ZC3H12B: variants seen among roughly 807,000 people sequenced by gnomAD.
The protein encoded by ZC3H12B is zinc finger CCCH-type containing 12B, also known as probable ribonuclease ZC3H12B.
A neutral mutation model predicts 43.9 loss-of-function variants in ZC3H12B; 7 were observed. That is an observed-to-expected ratio of 0.16 (90% CI 0.09 to 0.30). The LOEUF (loss-of-function observed/expected upper bound fraction) is 0.30, where lower values mean the gene tolerates loss of function less well. ZC3H12B is among the 10% of genes least tolerant of loss of function. ZC3H12B has a pLI of 1.00. For synonymous variants in ZC3H12B, 222 were observed against 241.7 expected, an observed-to-expected ratio of 0.92 and a Z score of 0.76; for missense variants, 475 against 670.2, an observed-to-expected ratio of 0.71 and a Z score of 3.22.
At chrX:65,148,025 G>A in the ZC3H12B span, among the ~76,000 whole-genome samples, 19 of 110,513 alleles carry the variant, frequency 1.7e-4, no homozygotes, top group Admixed American at 1.8e-3. Context: ...GGCTGGTCAA[G>A]CACTGGGGTC....
intron 3 of ZC3H12B, among the ~76,000 whole-genome samples, chrX:65,477,436 G>C (rs2068008750): frequency 9.0e-6 from 1 of 111,099 alleles, no homozygotes; most frequent in South Asian, 3.9e-4. Context: ...TAAAAAACAG[G>C]AAAAATATTT....
the ZC3H12B span, among the ~76,000 whole-genome samples, chrX:65,110,491 G>A: frequency 9.2e-6 from 1 of 109,218 alleles, no homozygotes; most frequent in Non-Finnish European, 1.9e-5. Flanking sequence ...ATCAGATAGA[G>A]GTTTATTACC....
At chrX:65,453,169 G>C (rs1247223757) in intron 3 of ZC3H12B, among the ~76,000 whole-genome samples, 2 of 106,519 alleles carry the variant, frequency 1.9e-5, no homozygotes. Context: ...TAGACCAATG[G>C]AACAGAATAG....
the ZC3H12B span, among the ~76,000 whole-genome samples, chrX:65,084,482 A>G: frequency 9.8e-5 from 11 of 112,607 alleles, no homozygotes; most frequent in Non-Finnish European, 2.1e-4. Flanking sequence ...AAGACATACA[A>G]ATGGCAAAGA....
chrX:65,052,078 T>C, the ZC3H12B span, among the ~76,000 whole-genome samples: 4 of 111,759 alleles, frequency 3.6e-5, no homozygotes, highest in Admixed American at 1.9e-4. Flanking sequence ...AAGCAACTTA[T>C]AGAAAAACAC....
chrX:65,231,729 A>G, the ZC3H12B span, among the ~76,000 whole-genome samples: 3 of 111,457 alleles, frequency 2.7e-5, no homozygotes, highest in Non-Finnish European at 3.8e-5. Flanking sequence ...CCTTATGGTT[A>G]TCTTTCCTTG....
chrX:65,179,183 CA>C, the ZC3H12B span, among the ~76,000 whole-genome samples: 21 of 109,721 alleles, frequency 1.9e-4, 1 homozygote, highest in African/African-American at 7.0e-4. Flanking sequence ...CACACGTTCT[CA>C]CTCATAAGTG....
At chrX:65,436,346 T>C (rs1012371551) in intron 3 of ZC3H12B, among the ~76,000 whole-genome samples, 2 of 112,308 alleles carry the variant, frequency 1.8e-5, no homozygotes, top group Non-Finnish European at 3.8e-5. Flanking sequence ...CAAGGCCCAA[T>C]GTCCAAAGGT....
In ZC3H12B at chrX:65,438,424, G is replaced by A. The variant is rs991967721; in HGVS notation, n.407+39720G>A. 3.6e-5 allele frequency among the ~76,000 whole-genome samples: 4 copies of A among 111,186 alleles called. No homozygotes were observed. The East Asian group carries it at 8.4e-4, about 23-fold the overall frequency. On this transcript the variant is annotated intron_variant and non_coding_transcript_variant, in intron 3 of 5. Coordinates refer to the ZC3H12B transcript ENST00000617377. Reference sequence around the variant, plus strand: ...ATGTTTTATAGTTTTCACTAAAAAGGTCCTTCATTTCTTTAACTTTATTCC... The same window carrying A: ...ATGTTTTATAGTTTTCACTAAAAAGATCCTTCATTTCTTTAACTTTATTCC...
At chrX:65,307,502 CAA>C in the ZC3H12B span, among the ~76,000 whole-genome samples, 1 of 111,413 alleles carries the variant, frequency 9.0e-6, no homozygotes, top group African/African-American at 3.3e-5. Flanking sequence ...TGTGAGAAAT[CAA>C]AAGTCTTGAA....
the ZC3H12B span, among the ~76,000 whole-genome samples, chrX:65,084,836 A>T: frequency 8.9e-6 from 1 of 112,799 alleles, no homozygotes; most frequent in African/African-American, 3.2e-5. Flanking sequence ...TTGCACAATA[A>T]CTAAGAGTTG....
the ZC3H12B span, among the ~76,000 whole-genome samples, chrX:65,358,496 G>A: frequency 8.9e-6 from 1 of 111,918 alleles, no homozygotes; most frequent in Non-Finnish European, 1.9e-5. Context: ...TCGGACCACA[G>A]TGCAATCAAA....
chrX:65,153,971 A>G, the ZC3H12B span, among the ~76,000 whole-genome samples: 1 of 111,130 alleles, frequency 9.0e-6, no homozygotes, highest in Non-Finnish European at 1.9e-5. Context: ...TCAGTAAACT[A>G]TTGCAAGGAC....
chrX:65,053,139 G>A, the ZC3H12B span, among the ~76,000 whole-genome samples: 4 of 110,325 alleles, frequency 3.6e-5, no homozygotes, highest in African/African-American at 1.3e-4. Context: ...TTAAGTTTTA[G>A]GGTACATGTG....
the ZC3H12B span, among the ~76,000 whole-genome samples, chrX:65,079,675 G>T: frequency 1.2e-4 from 13 of 112,514 alleles, no homozygotes; most frequent in African/African-American, 2.6e-4. Context: ...GGCTTGGGTT[G>T]CCCACAAAAA....
At chrX:65,351,157 A>G in the ZC3H12B span, among the ~76,000 whole-genome samples, 1 of 111,743 alleles carries the variant, frequency 8.9e-6, no homozygotes, top group Non-Finnish European at 1.9e-5. Flanking sequence ...GAGGCCTCAG[A>G]AATAACACCA....
the ZC3H12B span, among the ~76,000 whole-genome samples, chrX:65,048,339 C>T: frequency 1.8e-5 from 2 of 111,596 alleles, no homozygotes; most frequent in Middle Eastern, 4.6e-3. Flanking sequence ...GTTGTTTACA[C>T]GTCCTGGCTA....
At chrX:65,450,161 C>G (rs757284494) in intron 3 of ZC3H12B, among the ~76,000 whole-genome samples, 2 of 105,584 alleles carry the variant, frequency 1.9e-5, no homozygotes, top group African/African-American at 6.9e-5. Flanking sequence ...AAAAATTAGC[C>G]GGGCGTGGTT....
the ZC3H12B span, among the ~76,000 whole-genome samples, chrX:65,345,420 A>G: frequency 8.9e-6 from 1 of 111,997 alleles, no homozygotes; most frequent in African/African-American, 3.2e-5. Flanking sequence ...GTTGGGGTCC[A>G]TTATTTTTAG....
Sources: gnomAD v4.1 joint callset for allele counts (sites outside exome capture counted in the v4.1 genomes callset) on GRCh38, gnomAD v4.1.1 for gene constraint, MANE v1.5 for transcripts, NCBI Gene and HGNC (gene_info 2026-07-23, HGNC 2026-07-21) for gene names.